PCDH17: variants seen among roughly 807,000 people sequenced by gnomAD.
PCDH17 encodes the protein protocadherin-17.
PCDH17 carries 21 observed loss-of-function variants against 67.7 expected under a neutral mutation model. The observed-to-expected ratio is 0.31, with a 90% confidence interval of 0.22 to 0.45. The LOEUF is 0.45. Ranked by LOEUF, PCDH17 falls within the 20% of genes least tolerant of loss-of-function variation. PCDH17 has a pLI of 1.00. For missense variants in PCDH17, 1,471 were observed against 1,564.8 expected (o/e 0.94, Z 1.01); for synonymous variants, 701 against 656.7 (o/e 1.07, Z -1.03).
At position 57,633,960 on chromosome 13, in the gene PCDH17, T is replaced by C; in HGVS notation, c.1414T>C (p.Phe472Leu). Reference protein sequence around the residue: ...ILDENDNPPRFTKGLYVLQVH... With the variant: ...ILDENDNPPRLTKGLYVLQVH... ...AGACGAGAACGACAACCCGCCTCGG[T>C]TCACCAAAGGGCTCTACGTGCTTCA... is the stretch of plus-strand genomic sequence containing the variant. Residue 472 changes from phenylalanine to leucine, a missense_variant, in exon 1 of 4, where the codon TTC (phenylalanine) becomes CTC (leucine). Around this residue, in one of 3 missense-constraint regions of PCDH17, gnomAD observed 1,163 missense variants for 1,230.0 expected, o/e 0.95. Coordinates refer to ENST00000377918, the MANE Select transcript of PCDH17 (RefSeq NM_001040429.3). This position sits in a 1 kb window ranked among gnomAD's most constrained non-coding sequence, Gnocchi z 6.2. 6.2e-7 allele frequency: 1 copy of C among 1,613,500 alleles called. No individual in the cohort carries two copies. Among genetic ancestry groups the C allele is most frequent in the South Asian group, 1.1e-5 (1 of 91,070 alleles).
chr13:57,662,657 T>C (rs1475410833), intron 1 of PCDH17, among the ~76,000 whole-genome samples: 1 of 152,152 alleles, frequency 6.6e-6, no homozygotes, highest in Non-Finnish European at 1.5e-5. Flanking sequence ...AGACAAGTTT[T>C]TTAAGAATTA....
upstream of PCDH17, among the ~76,000 whole-genome samples, chr13:57,631,264 G>T (rs958844045): frequency 6.6e-6 from 1 of 152,162 alleles, no homozygotes; most frequent in Non-Finnish European, 1.5e-5. Flanking sequence ...ATGCTGAATA[G>T]AAAGAAAAGA....
Position 57,724,964 on chromosome 13 carries a change from A to C in PCDH17, c.3150A>C (p.Thr1050=). ...CGTGCATCGAGCCTTGCACCTCAAC[A>C]AAAGGCTCCCTGGATGGCTGTGAAG... The part of the protein sequence containing the change: ...TKACIEPCTS[T]KGSLDGCEAK... Residue 1050 remains threonine (T), a synonymous_variant, in exon 4 of 4, where the codon ACA becomes ACC. Transcript: ENST00000377918. The C allele has an allele frequency of 6.2e-7, 1 of 1,614,156 alleles. No homozygotes were observed. Among genetic ancestry groups the C allele is most frequent in the African/African-American group, 1.3e-5 (1 of 75,058 alleles).
At chr13:57,689,622 C>T (rs943652370) in intron 3 of PCDH17, among the ~76,000 whole-genome samples, 1 of 151,930 alleles carries the variant, frequency 6.6e-6, no homozygotes, top group Admixed American at 6.6e-5. Flanking sequence ...TGCATATTTT[C>T]TCAATAAGTA....
chr13:57,714,756 A>G (rs1955804017), intron 3 of PCDH17, among the ~76,000 whole-genome samples: 2 of 151,750 alleles, frequency 1.3e-5, no homozygotes, highest in African/African-American at 4.8e-5. Context: ...TTTATTAATT[A>G]ATTCATATGT....
chr13:57,667,074 T>C (rs867098094), intron 3 of PCDH17, among the ~76,000 whole-genome samples: 1 of 152,152 alleles, frequency 6.6e-6, no homozygotes, highest in South Asian at 2.1e-4. Context: ...CAAAGTCACT[T>C]GATTGTTCTT....
chr13:57,705,074 C>T (rs1955708546), intron 3 of PCDH17, among the ~76,000 whole-genome samples: 1 of 151,878 alleles, frequency 6.6e-6, no homozygotes, highest in South Asian at 2.1e-4. Context: ...ACATTTATTT[C>T]ATGAAATAGA....
chr13:57,687,141 A>G (rs988598080), intron 3 of PCDH17, among the ~76,000 whole-genome samples: 1 of 152,092 alleles, frequency 6.6e-6, no homozygotes, highest in African/African-American at 2.4e-5. Context: ...ATAAAATGCA[A>G]TTTTAGGTAC....
chr13:57,646,065 A>T (rs1954962136), intron 1 of PCDH17, among the ~76,000 whole-genome samples: 1 of 151,538 alleles, frequency 6.6e-6, no homozygotes, highest in Non-Finnish European at 1.5e-5. Context: ...TTATTTTTTG[A>T]TATATAATTT....
At chr13:57,636,449 T>A (rs1954824227) in intron 1 of PCDH17, among the ~76,000 whole-genome samples, 1 of 152,174 alleles carries the variant, frequency 6.6e-6, no homozygotes, top group African/African-American at 2.4e-5. Flanking sequence ...ACATAATAAG[T>A]ATACCAAATA....
chr13:57,647,887 T>C (rs969897527), intron 1 of PCDH17, among the ~76,000 whole-genome samples: 17 of 151,918 alleles, frequency 1.1e-4, no homozygotes, highest in African/African-American at 2.9e-4. Flanking sequence ...AACCTCTTGG[T>C]AAATCTTCTT....
rs138613835 is a variant in PCDH17, at chr13:57,726,895, A to G, written c.*1601A>G. ...GTATGTACCAGCAGTGGTTACTTGC[A>G]TTGTGTAGTGTTTTTCAAGAGGTCT... On this transcript the variant is annotated 3_prime_UTR_variant, in exon 4 of 4. Transcript: ENST00000377918. 7 of 152,642 alleles carry G rather than the reference A, an allele frequency of 4.6e-5. No homozygotes were observed. The highest frequency in any genetic ancestry group is 1.0e-4 in the Non-Finnish European group (7 of 68,008). The allele number at this position is 152,642 out of a possible 1,614,324, so 9.5% of individuals were successfully genotyped here. A position where few individuals can be genotyped will look rare whatever the true frequency, so the allele number is the denominator to read the frequency against.
At chr13:57,694,659 ACTTTC>A (rs1442783302) in intron 3 of PCDH17, among the ~76,000 whole-genome samples, 1 of 151,234 alleles carries the variant, frequency 6.6e-6, no homozygotes, top group Non-Finnish European at 1.5e-5. Flanking sequence ...TTTTTTTAAT[ACTTTC>A]CTGAAGTGAA....
At chr13:57,666,428 A>C in intron 1 of PCDH17, 40 bp from the exon 2 acceptor site, 1 of 1,489,608 alleles carries the variant, frequency 6.7e-7, no homozygotes, top group Non-Finnish European at 9.4e-7. Flanking sequence ...AGATTTGTCC[A>C]GTGTACAACT....
chr13:57,723,054 G>A (rs749169308), intron 3 of PCDH17, among the ~76,000 whole-genome samples: 9 of 152,232 alleles, frequency 5.9e-5, no homozygotes, highest in South Asian at 2.1e-4. Flanking sequence ...TAGTATTTGC[G>A]TCTGTGGATG....
chr13:57,685,834 C>G (rs1296254869), intron 3 of PCDH17, among the ~76,000 whole-genome samples: 1 of 151,886 alleles, frequency 6.6e-6, no homozygotes, highest in Non-Finnish European at 1.5e-5. Context: ...GCCTGTAATC[C>G]CAGCCCTTTG....
chr13:57,630,378 A>G (rs1954703096), upstream of PCDH17, among the ~76,000 whole-genome samples: 1 of 151,762 alleles, frequency 6.6e-6, no homozygotes, highest in Non-Finnish European at 1.5e-5. Flanking sequence ...CCTCCACAAC[A>G]GACTGCACAA....
At position 57,634,858 on chromosome 13, in the gene PCDH17, A is replaced by T; in HGVS notation, c.2312A>T (p.Gln771Leu). 6.2e-7 allele frequency: 1 copy of T among 1,614,174 alleles called. No homozygotes were observed. Among genetic ancestry groups the T allele is most frequent in the Non-Finnish European group, 8.5e-7 (1 of 1,180,044 alleles). The part of the protein sequence containing the change: ...KINKNDIMLV[Q>L]SEVEERNAMN... ...AACAAAAATGATATCATGCTGGTGC[A>T]GAGCGAAGTGGAGGAGAGGAACGCC... The change falls in exon 1 of 4, where the codon CAG (glutamine) becomes CTG (leucine). Residue 771 changes from glutamine to leucine, a missense_variant. By Grantham distance (113) the Gln-to-Leu change is moderately radical. This residue lies in a region of PCDH17 where 1,163 missense variants were observed against 1,230.0 expected (regional missense o/e 0.95). Transcript: ENST00000377918. This position sits in a 1 kb window ranked among gnomAD's most constrained non-coding sequence, Gnocchi z 7.8.
intron 3 of PCDH17, among the ~76,000 whole-genome samples, chr13:57,670,402 A>T (rs1955305753): frequency 6.6e-6 from 1 of 151,686 alleles, no homozygotes; most frequent in African/African-American, 2.4e-5. Flanking sequence ...TACCCTAAAA[A>T]ACAAAAGTAA....
Sources: allele counts gnomAD v4.1 joint callset (sites outside exome capture counted in the v4.1 genomes callset), GRCh38; gene constraint gnomAD v4.1.1; regional missense constraint gnomAD v4.1.1; non-coding constraint Gnocchi (gnomAD v3.1); transcripts MANE v1.5; gene names NCBI Gene and HGNC (gene_info 2026-07-23, HGNC 2026-07-21).